The following DCDC2C variants were observed in gnomAD, a reference collection of about 807,000 sequenced individuals.
DCDC2C encodes doublecortin domain-containing protein 2C.
A neutral mutation model predicts 45.0 loss-of-function variants in DCDC2C; 44 were observed. The observed-to-expected ratio is 0.98, with a 90% CI of 0.77 to 1.26. The LOEUF (loss-of-function observed/expected upper bound fraction) is 1.26, where lower values mean the gene tolerates loss of function less well. DCDC2C is among the 50% of genes most tolerant of loss of function. The probability of loss-of-function intolerance (pLI) is 0.00; values close to 1 mark genes in which losing one functional copy is unlikely to be tolerated. For missense variants in DCDC2C, 447 were observed against 468.9 expected (o/e 0.95, Z 0.43); for synonymous variants, 187 against 178.8 (o/e 1.05, Z -0.37).
chr2:3,783,561 G>A (rs1670570633), intron 9 of DCDC2C, among the ~76,000 whole-genome samples: 1 of 152,268 alleles, frequency 6.6e-6, no homozygotes, highest in Admixed American at 6.5e-5. Flanking sequence ...TACATTTTCT[G>A]AAGGAAGAGT....
At chr2:3,757,308 A>C (rs1669747823) in intron 6 of DCDC2C, among the ~76,000 whole-genome samples, 1 of 152,216 alleles carries the variant, frequency 6.6e-6, no homozygotes, top group Non-Finnish European at 1.5e-5. Flanking sequence ...AAATTAAAAA[A>C]AAATACAGGC....
chr2:3,770,316 C>T (rs1198031324), intron 8 of DCDC2C, among the ~76,000 whole-genome samples: 7 of 152,214 alleles, frequency 4.6e-5, no homozygotes, highest in Non-Finnish European at 5.9e-5. Context: ...CTTTTCCACT[C>T]CTTTCTCCGA....
At chr2:3,715,769 A>G (rs1156810083) in intron 2 of DCDC2C, among the ~76,000 whole-genome samples, 1 of 152,222 alleles carries the variant, frequency 6.6e-6, no homozygotes, top group African/African-American at 2.4e-5. Context: ...ACCAGGTACT[A>G]TTTGAAGCAG....
At chr2:3,778,778 A>G (rs768382537) in intron 8 of DCDC2C, 38 bp from the exon 9 acceptor site, 4 of 1,540,578 alleles carry the variant, frequency 2.6e-6, no homozygotes, top group East Asian at 2.4e-5. Context: ...GGAGTTCCAC[A>G]TAAGTAGTTG....
chr2:3,829,059 C>T (rs573701535), intron 10 of DCDC2C, among the ~76,000 whole-genome samples: 172 of 152,254 alleles, frequency 1.1e-3, no homozygotes, highest in South Asian at 2.5e-3. Flanking sequence ...TACTTTGCTT[C>T]GAAGTGTTCA....
Position 3,703,659 on chromosome 2 carries a change from G to C in DCDC2C, c.-93G>C, listed in dbSNP as rs948226404. On this transcript the variant is annotated 5_prime_UTR_variant, in exon 1 of 11. Coordinates refer to ENST00000399143, the MANE Select transcript of DCDC2C (RefSeq NM_001287444.2). This position sits in a 1 kb window ranked among gnomAD's most constrained non-coding sequence, Gnocchi z 4.4. ...CAGCGGCTGGAGCGGACCTCCCGTCGGCGGTGCCCGGGCCTGGGCGCGGCT... is the reference window on the plus strand; with the variant it reads ...CAGCGGCTGGAGCGGACCTCCCGTCCGCGGTGCCCGGGCCTGGGCGCGGCT... 1.9e-5 allele frequency: 22 copies of C among 1,168,272 alleles called. No individual in the cohort carries two copies. In the Admixed American group the frequency reaches 7.9e-4, roughly 42 times the overall value. 72.4% of individuals were successfully genotyped at this position (1,168,272 alleles called of 1,614,324 possible). A position where few individuals can be genotyped will look rare whatever the true frequency, so the allele number is the denominator to read the frequency against.
At position 3,834,927 on chromosome 2, in the gene DCDC2C, G is replaced by A. The variant is rs767931884; in HGVS notation, c.1066-12227G>A. ...ATATTCTTTCTTTTTATCCTCATGT[G>A]AGGATTGCTGTTGAAATGGTAGGTA... On this transcript the variant is annotated intron_variant, in intron 10 of 10. Transcript: ENST00000399143. Among the ~76,000 whole-genome samples, 15 of 152,200 alleles carry A rather than the reference G, an allele frequency of 9.9e-5. 1 individual carries two copies. The highest frequency in any genetic ancestry group is 1.9e-4 in the Non-Finnish European group (13 of 68,042).
intron 10 of DCDC2C, among the ~76,000 whole-genome samples, chr2:3,833,812 C>G (rs1672007860): frequency 6.6e-6 from 1 of 152,140 alleles, no homozygotes; most frequent in Non-Finnish European, 1.5e-5. Flanking sequence ...CAGAAGAGAG[C>G]TGAGGTTAGA....
intron 3 of DCDC2C, 35 bp from the exon 4 acceptor site, chr2:3,741,885 G>A (rs1191275173): frequency 2.0e-5 from 30 of 1,517,738 alleles, no homozygotes; most frequent in Non-Finnish European, 2.7e-5. Context: ...TCAAACTTAA[G>A]GTATTAATGG....
intron 10 of DCDC2C, among the ~76,000 whole-genome samples, chr2:3,790,995 A>T (rs571965260): frequency 5.3e-5 from 8 of 152,216 alleles, no homozygotes; most frequent in Non-Finnish European, 1.0e-4. Context: ...CTGTAGTCCC[A>T]GCTACTCGGG....
chr2:3,746,224 G>A (rs1041167805), intron 4 of DCDC2C, among the ~76,000 whole-genome samples: 2 of 152,144 alleles, frequency 1.3e-5, no homozygotes, highest in African/African-American at 2.4e-5. Flanking sequence ...GCACACGGCC[G>A]GGGGAGCCCA....
At position 3,771,333 on chromosome 2, in the gene DCDC2C, G is replaced by T. The variant is rs71449688; in HGVS notation, c.954+1922G>T. ...AAGCTTATGAAATCTTCCAGAAGTGGATACAAGAAAATCCCATGCACTTAA... is the reference window on the plus strand; with the variant it reads ...AAGCTTATGAAATCTTCCAGAAGTGTATACAAGAAAATCCCATGCACTTAA... On this transcript the variant is annotated intron_variant, in intron 8 of 10. Coordinates refer to ENST00000399143, the MANE Select transcript of DCDC2C (RefSeq NM_001287444.2). Among the ~76,000 whole-genome samples, 290 of 152,298 alleles carry T rather than the reference G, an allele frequency of 1.9e-3. 3 individuals are homozygous for T. Among genetic ancestry groups the T allele is most frequent in the Non-Finnish European group, 2.5e-3 (169 of 68,032 alleles).
chr2:3,835,097 C>G (rs1333288335), intron 10 of DCDC2C, among the ~76,000 whole-genome samples: 1 of 152,184 alleles, frequency 6.6e-6, no homozygotes, highest in East Asian at 1.9e-4. Context: ...TTTGCCTTCC[C>G]AGAGGCAATG....
intron 10 of DCDC2C, among the ~76,000 whole-genome samples, chr2:3,843,272 A>G (rs1672257223): frequency 1.3e-5 from 2 of 152,188 alleles, no homozygotes; most frequent in Admixed American, 1.3e-4. Context: ...GCTGGGCCAC[A>G]AAGTGGATAT....
intron 2 of DCDC2C, among the ~76,000 whole-genome samples, chr2:3,717,587 C>T (rs1668381656): frequency 1.3e-5 from 2 of 152,126 alleles, no homozygotes; most frequent in Non-Finnish European, 2.9e-5. Context: ...TTCCGCTGGT[C>T]TCCTTGCTTC....
chr2:3,843,085 A>C (rs1039816206), intron 10 of DCDC2C, among the ~76,000 whole-genome samples: 2 of 152,194 alleles, frequency 1.3e-5, no homozygotes, highest in African/African-American at 4.8e-5. Context: ...ATGTGATCAA[A>C]TTTATGTTTC....
At chr2:3,828,840 T>C (rs1027363821) in intron 10 of DCDC2C, among the ~76,000 whole-genome samples, 11 of 152,254 alleles carry the variant, frequency 7.2e-5, no homozygotes, top group African/African-American at 2.7e-4. Context: ...TTCATTTTTC[T>C]GGGAGAATAA....
intron 4 of DCDC2C, among the ~76,000 whole-genome samples, chr2:3,750,046 G>C (rs548271506): frequency 3.6e-5 from 5 of 137,810 alleles, no homozygotes; most frequent in Non-Finnish European, 6.1e-5. Flanking sequence ...GCCTTCCTCT[G>C]CCTGTTCCCG....
intron 3 of DCDC2C, 136 bp from the exon 4 acceptor site, chr2:3,741,784 C>A: frequency 3.2e-6 from 3 of 934,324 alleles, no homozygotes; most frequent in Non-Finnish European, 4.6e-6. Context: ...CCCAATAAGA[C>A]ATAGTATGAA....
Sources: allele counts gnomAD v4.1 joint callset (sites outside exome capture counted in the v4.1 genomes callset), GRCh38; gene constraint gnomAD v4.1.1; non-coding constraint Gnocchi (gnomAD v3.1); transcripts MANE v1.5; gene names NCBI Gene and HGNC (gene_info 2026-07-23, HGNC 2026-07-21).